The following CUL2 variants were observed in gnomAD, a reference collection of about 807,000 sequenced individuals.
CUL2 encodes the protein cullin-2.
A neutral mutation model predicts 110.2 loss-of-function variants in CUL2; 22 were observed. The ratio of observed to expected loss-of-function variants is 0.20; its 90% CI spans 0.14 to 0.28. CUL2 has a LOEUF of 0.28. Among genes scored for constraint, CUL2 ranks in the 10% least tolerant of loss-of-function variants. CUL2 has a pLI of 1.00. For synonymous variants in CUL2, 279 were observed against 293.2 expected, an observed-to-expected ratio of 0.95 and a Z score of 0.49; for missense variants, 631 against 905.5, an observed-to-expected ratio of 0.70 and a Z score of 3.89.
At chr10:35,107,899 A>G (rs1055245260) in intron 1 of CUL2, among the ~76,000 whole-genome samples, 4 of 150,772 alleles carry the variant, frequency 2.7e-5, no homozygotes, top group African/African-American at 7.3e-5. Context: ...AAAAAAAAAA[A>G]AAAAAAAAAA....
intron 6 of CUL2, among the ~76,000 whole-genome samples, chr10:35,046,600 C>G (rs749025471): frequency 5.3e-5 from 8 of 152,110 alleles, no homozygotes; most frequent in Non-Finnish European, 1.2e-4. Context: ...ATCTTAAAAA[C>G]TGGGTTATTG....
At chr10:35,100,163 A>G (rs2087357740) in intron 2 of CUL2, among the ~76,000 whole-genome samples, 1 of 152,016 alleles carries the variant, frequency 6.6e-6, no homozygotes, top group African/African-American at 2.4e-5. Context: ...GTCTGGCATA[A>G]CACCAACCTA....
At chr10:35,032,608 C>T in intron 11 of CUL2, 114 bp from the exon 12 acceptor site, 1 of 682,752 alleles carries the variant, frequency 1.5e-6, no homozygotes. Context: ...TAAAACACAG[C>T]ATTGCCGGTA....
chr10:35,067,596 C>G (rs529206969), intron 2 of CUL2, among the ~76,000 whole-genome samples: 3 of 151,924 alleles, frequency 2.0e-5, no homozygotes, highest in Admixed American at 1.3e-4. Flanking sequence ...ACCAAAAATA[C>G]AAAAATTAGC....
chr10:35,075,520 TC>T (rs1000268797), intron 1 of CUL2, among the ~76,000 whole-genome samples: 6 of 151,870 alleles, frequency 4.0e-5, no homozygotes, highest in African/African-American at 1.5e-4. Context: ...ACTGCAAAAA[TC>T]CAAATCTCCT....
chr10:35,074,638 G>A (rs1589038424), intron 1 of CUL2, among the ~76,000 whole-genome samples: 1 of 152,092 alleles, frequency 6.6e-6, no homozygotes, highest in African/African-American at 2.4e-5. Flanking sequence ...ACAGGCGTGA[G>A]CCATCGCACC....
rs755842952 is a variant in CUL2, at chr10:35,016,427, A to AC, written c.1685-34dup. The AC allele has an allele frequency of 4.8e-6, 7 of 1,462,100 alleles. No homozygotes were observed. The Admixed American group carries it at 1.2e-4, about 25-fold the overall frequency. The allele number at this position is 1,462,100 out of a possible 1,614,324, so 90.6% of individuals were successfully genotyped here. A position where few individuals can be genotyped will look rare whatever the true frequency, so the allele number is the denominator to read the frequency against. On this transcript the variant is annotated intron_variant, in intron 17 of 20. Transcript: ENST00000374749. ...TAAAACAAAAACTGACAGTGAATTG[A>AC]CCATTCAAAGAAACATTTCAAATTT...
intron 16 of CUL2, among the ~76,000 whole-genome samples, chr10:35,026,289 T>G (rs1167866345): frequency 6.6e-6 from 1 of 152,202 alleles, no homozygotes; most frequent in African/African-American, 2.4e-5. Flanking sequence ...AACAGCAAAT[T>G]GAAATATGTC....
At chr10:35,111,003 G>C (rs1005910826) in intron 1 of CUL2, among the ~76,000 whole-genome samples, 21 of 152,296 alleles carry the variant, frequency 1.4e-4, no homozygotes, top group South Asian at 4.1e-4. Flanking sequence ...CTCAGCAAGA[G>C]ATGCCAGTGG....
chr10:35,126,674 G>C (rs2087850314), upstream of CUL2: 2 of 152,724 alleles, frequency 1.3e-5, no homozygotes. Context: ...TGGCGCACGC[G>C]CGGCGCGGCA....
rs1471066698 is a variant in CUL2 at position 35,060,343 on chromosome 10, GC to G, written c.317+530del. Among the ~76,000 whole-genome samples the G allele has an allele frequency of 1.5e-4, 23 of 152,268 alleles. No individual in the cohort carries two copies. The East Asian group carries it at 3.9e-3, about 26-fold the overall frequency. On this transcript the variant is annotated intron_variant, in intron 4 of 20. Coordinates refer to ENST00000374749, the MANE Select transcript of CUL2 (RefSeq NM_003591.4). ...AGAAGCAATCCAGGCAGATGGAACA[GC>G]ACCAGGAAAGGCAGGAAGATGGGAG...
intron 6 of CUL2, among the ~76,000 whole-genome samples, chr10:35,048,217 T>TCTAC (rs3065383): frequency 0.36 from 54,972 of 151,712 alleles, 9,979 homozygotes; most frequent in African/African-American, 0.4. Context: ...CATGCAAAAC[T>TCTAC]CTAAGAGAGC....
Position 35,031,419 on chromosome 10 carries a change from C to T in CUL2, c.1300-33G>A. The T allele has an allele frequency of 1.3e-6, 2 of 1,596,890 alleles. No homozygotes were observed. Among genetic ancestry groups the T allele is most frequent in the Non-Finnish European group, 1.7e-6 (2 of 1,170,454 alleles). ...TAAAAATATTTTAAAAGATTACTTCCTTTCTAATGATTTAGCATTCAGAAA... is the reference window on the plus strand; with the variant it reads ...TAAAAATATTTTAAAAGATTACTTCTTTTCTAATGATTTAGCATTCAGAAA... On this transcript the variant is annotated intron_variant, in intron 13 of 20. Coordinates refer to ENST00000374749, the MANE Select transcript of CUL2 (RefSeq NM_003591.4). This position sits in a 1 kb window ranked among gnomAD's most constrained non-coding sequence, Gnocchi z 4.4.
intron 1 of CUL2, among the ~76,000 whole-genome samples, chr10:35,075,054 C>CT (rs34841370): frequency 8.5e-5 from 13 of 152,272 alleles, no homozygotes; most frequent in Non-Finnish European, 1.5e-4. Flanking sequence ...GTTGCACAGA[C>CT]TTTTTTTGCT....
chr10:35,046,157 T>C (rs988376222), intron 6 of CUL2, among the ~76,000 whole-genome samples: 1 of 152,246 alleles, frequency 6.6e-6, no homozygotes, highest in African/African-American at 2.4e-5. Flanking sequence ...AGTAATTCTG[T>C]CAGTCATAGA....
intron 2 of CUL2, among the ~76,000 whole-genome samples, chr10:35,097,491 CA>C (rs71523359): frequency 0.23 from 21,559 of 92,604 alleles, 1,569 homozygotes; most frequent in Middle Eastern, 0.32. Context: ...CCCCCTGTCT[CA>C]AAAAAAAAAA....
At chr10:35,119,202 G>A (rs1449539071) in intron 1 of CUL2, among the ~76,000 whole-genome samples, 1 of 152,178 alleles carries the variant, frequency 6.6e-6, no homozygotes, top group Non-Finnish European at 1.5e-5. Flanking sequence ...GGAAATTCAA[G>A]GGACATTTTC....
chr10:35,037,158 A>G (rs977142651), intron 9 of CUL2, among the ~76,000 whole-genome samples: 3 of 152,168 alleles, frequency 2.0e-5, no homozygotes, highest in African/African-American at 7.2e-5. Flanking sequence ...TTTACCTTGT[A>G]CATTTAGAGA....
chr10:35,078,690 C>T (rs766683752), intron 1 of CUL2, among the ~76,000 whole-genome samples: 1 of 152,194 alleles, frequency 6.6e-6, no homozygotes, highest in Non-Finnish European at 1.5e-5. Context: ...GTAAAAGTTA[C>T]AGTATCTCAA....
Sources: allele counts gnomAD v4.1 joint callset (sites outside exome capture counted in the v4.1 genomes callset), GRCh38; gene constraint gnomAD v4.1.1; non-coding constraint Gnocchi (gnomAD v3.1); transcripts MANE v1.5; gene names NCBI Gene and HGNC (gene_info 2026-07-23, HGNC 2026-07-21).